RHBDD1: variants seen among roughly 807,000 people sequenced by gnomAD.
The protein encoded by RHBDD1 is rhomboid-related protein 4.
Under a neutral mutation model 36.3 loss-of-function variants are expected in RHBDD1, and 38 were observed. That is an observed-to-expected ratio of 1.05 (90% CI 0.81 to 1.37). The LOEUF (loss-of-function observed/expected upper bound fraction) is 1.37, where lower values mean the gene tolerates loss of function less well. RHBDD1 is among the 40% of genes most tolerant of loss of function. The probability of loss-of-function intolerance (pLI) is 0.00; values close to 1 mark genes in which losing one functional copy is unlikely to be tolerated. For synonymous variants in RHBDD1, 151 were observed against 136.5 expected, an observed-to-expected ratio of 1.11 and a Z score of -0.74; for missense variants, 393 against 377.6, an observed-to-expected ratio of 1.04 and a Z score of -0.34.
At chr2:226,915,261 T>G (rs548616435) in intron 8 of RHBDD1, among the ~76,000 whole-genome samples, 1 of 152,240 alleles carries the variant, frequency 6.6e-6, no homozygotes, top group East Asian at 1.9e-4. Context: ...TTCAAGAATG[T>G]GTAGAACTTG....
At chr2:226,827,206 C>A in the RHBDD1 span, among the ~76,000 whole-genome samples, 1 of 152,168 alleles carries the variant, frequency 6.6e-6, no homozygotes, top group African/African-American at 2.4e-5. Context: ...CTTAAACGAT[C>A]CACCTGCCTT....
chr2:226,978,880 AG>A (rs1198159989), intron 8 of RHBDD1, among the ~76,000 whole-genome samples: 1 of 152,192 alleles, frequency 6.6e-6, no homozygotes, highest in Non-Finnish European at 1.5e-5. Flanking sequence ...AAGCTCTCCC[AG>A]CTACTGTGTG....
chr2:226,961,715 T>C (rs1253881441), intron 8 of RHBDD1, among the ~76,000 whole-genome samples: 1 of 152,168 alleles, frequency 6.6e-6, no homozygotes, highest in Non-Finnish European at 1.5e-5. Flanking sequence ...CTCAGTTGTC[T>C]GTGTTTCCAC....
chr2:226,990,087 CTATTTA>C (rs1433413798), intron 8 of RHBDD1, among the ~76,000 whole-genome samples: 4 of 152,194 alleles, frequency 2.6e-5, no homozygotes, highest in Admixed American at 6.5e-5. Flanking sequence ...TAATTTCACA[CTATTTA>C]TAAAGAGAGA....
chr2:226,953,826 G>A (rs1444977260), intron 8 of RHBDD1, among the ~76,000 whole-genome samples: 1 of 152,152 alleles, frequency 6.6e-6, no homozygotes. Flanking sequence ...TTTTGGTGAT[G>A]CGTTCTTAAG....
intron 3 of RHBDD1, among the ~76,000 whole-genome samples, chr2:226,854,601 GAAA>G (rs34985443): frequency 3.6e-5 from 3 of 83,678 alleles, no homozygotes; most frequent in African/African-American, 1.2e-4. Context: ...ACTCTGTTTC[GAAA>G]AAAAAAAAAA....
At chr2:226,865,989 G>A (rs2125242496) in intron 4 of RHBDD1, among the ~76,000 whole-genome samples, 1 of 152,356 alleles carries the variant, frequency 6.6e-6, no homozygotes, top group Middle Eastern at 3.4e-3. Flanking sequence ...TAGGAGCCAT[G>A]ATAATCACTC....
At chr2:226,943,401 A>G (rs1950784968) in intron 8 of RHBDD1, among the ~76,000 whole-genome samples, 1 of 152,242 alleles carries the variant, frequency 6.6e-6, no homozygotes, top group Non-Finnish European at 1.5e-5. Context: ...TGACTCTTGA[A>G]TCATTGCATC....
chr2:226,911,832 G>A (rs534260142), intron 7 of RHBDD1, among the ~76,000 whole-genome samples: 2 of 152,106 alleles, frequency 1.3e-5, no homozygotes, highest in African/African-American at 2.4e-5. Flanking sequence ...TTTGACATGG[G>A]AAACAGGTGA....
In RHBDD1 at chr2:226,881,053, A is replaced by G. The variant is rs540657084; in HGVS notation, c.566+13735A>G. On this transcript the variant is annotated intron_variant, in intron 5 of 8. Transcript: ENST00000392062. ...CCACATGGCTGGGGAGGCCTCAGGAAACTTATAATCATGGTGGAAGGTGAA... is the reference window on the plus strand; with the variant it reads ...CCACATGGCTGGGGAGGCCTCAGGAGACTTATAATCATGGTGGAAGGTGAA... Among the ~76,000 whole-genome samples the G allele has an allele frequency of 2.0e-5, 3 of 152,290 alleles. No homozygotes were observed. The South Asian group carries it at 6.2e-4, about 32-fold the overall frequency.
the RHBDD1 span, among the ~76,000 whole-genome samples, chr2:226,808,857 A>C: frequency 2.6e-5 from 4 of 151,024 alleles, no homozygotes; most frequent in Non-Finnish European, 4.4e-5. Flanking sequence ...TTCTTGATGG[A>C]AGTAGTGTCA....
At chr2:226,983,505 T>G (rs1956248964) in intron 8 of RHBDD1, among the ~76,000 whole-genome samples, 1 of 152,194 alleles carries the variant, frequency 6.6e-6, no homozygotes, top group Non-Finnish European at 1.5e-5. Context: ...AGACACATGG[T>G]TATCTGCAGT....
At chr2:226,851,568 C>CT (rs927404958) in intron 3 of RHBDD1, among the ~76,000 whole-genome samples, 1 of 151,726 alleles carries the variant, frequency 6.6e-6, no homozygotes, top group African/African-American at 2.4e-5. Context: ...ATCATCTTTG[C>CT]TTTTTTTTAA....
chr2:226,869,155 T>C (rs762967945), intron 5 of RHBDD1: 15 of 985,146 alleles, frequency 1.5e-5, no homozygotes, highest in Non-Finnish European at 1.8e-5. Flanking sequence ...TCCCCCCAAC[T>C]TACATGGAAA....
chr2:226,805,983 C>A, the RHBDD1 span, among the ~76,000 whole-genome samples: 2 of 152,156 alleles, frequency 1.3e-5, no homozygotes, highest in Non-Finnish European at 2.9e-5. Flanking sequence ...GGTGGTAGAA[C>A]TAGTTGATTT....
intron 5 of RHBDD1, among the ~76,000 whole-genome samples, chr2:226,902,836 A>G (rs1052230869): frequency 6.6e-6 from 1 of 152,208 alleles, no homozygotes; most frequent in Non-Finnish European, 1.5e-5. Flanking sequence ...GGGCAATTAG[A>G]TTATAACTCA....
At chr2:226,805,794 G>A in the RHBDD1 span, among the ~76,000 whole-genome samples, 1 of 152,118 alleles carries the variant, frequency 6.6e-6, no homozygotes, top group Non-Finnish European at 1.5e-5. Context: ...CTATTCAGTG[G>A]GCAGGATCTA....
At chr2:226,946,859 A>G (rs868172641) in intron 8 of RHBDD1, among the ~76,000 whole-genome samples, 3 of 152,208 alleles carry the variant, frequency 2.0e-5, no homozygotes, top group African/African-American at 7.2e-5. Context: ...CAGCACATCA[A>G]AAGCTTATTC....
intron 8 of RHBDD1, among the ~76,000 whole-genome samples, chr2:226,941,747 A>G (rs1950680597): frequency 6.6e-6 from 1 of 152,192 alleles, no homozygotes; most frequent in Non-Finnish European, 1.5e-5. Context: ...TTCACCAAAC[A>G]TAGAAAAGCC....
Sources: gnomAD v4.1 joint callset for allele counts (sites outside exome capture counted in the v4.1 genomes callset) on GRCh38, gnomAD v4.1.1 for gene constraint, MANE v1.5 for transcripts, NCBI Gene and HGNC (gene_info 2026-07-23, HGNC 2026-07-21) for gene names.